NLRP1: variants seen among roughly 807,000 people sequenced by gnomAD.
NLRP1 encodes NLR family pyrin domain containing 1, also known as NACHT, LRR and PYD domains-containing protein 1.
A neutral mutation model predicts 136.7 loss-of-function variants in NLRP1; 94 were observed. The observed-to-expected ratio is 0.69, with a 90% confidence interval of 0.58 to 0.82. NLRP1 has a LOEUF of 0.82. Among genes scored for constraint, NLRP1 ranks in the 40% least tolerant of loss-of-function variants. The probability of loss-of-function intolerance (pLI) is 0.00; values close to 1 mark genes in which losing one functional copy is unlikely to be tolerated. For synonymous variants in NLRP1, 690 were observed against 725.1 expected, an observed-to-expected ratio of 0.95 and a Z score of 0.78; for missense variants, 1,575 against 1,802.7, an observed-to-expected ratio of 0.87 and a Z score of 2.29.
In NLRP1 at chr17:5,558,446, C is replaced by T; in HGVS notation, c.2250G>A (p.Glu750=). 1.2e-6 allele frequency: 2 copies of T among 1,613,850 alleles called. No homozygotes were observed. The highest frequency in any genetic ancestry group is 1.7e-6 in the Non-Finnish European group (2 of 1,179,954). The change falls in exon 4 of 17, where the codon GAG becomes GAA. Residue 750 remains glutamate (E), a synonymous_variant. Coordinates refer to ENST00000572272, the MANE Select transcript of NLRP1 (RefSeq NM_033004.4). ...EMGMCVETDM[E]LLVCTFCIKF... is the part of the protein sequence containing the mutation. Reference sequence around the variant, plus strand: ...TAATGCAGAAAGTGCACACTAAGAGCTCCATGTCTGTTTCTACACACATGC... The same window carrying T: ...TAATGCAGAAAGTGCACACTAAGAGTTCCATGTCTGTTTCTACACACATGC...
At chr17:5,567,503 A>G (rs1242121497) in intron 3 of NLRP1, among the ~76,000 whole-genome samples, 1 of 152,036 alleles carries the variant, frequency 6.6e-6, no homozygotes, top group Non-Finnish European at 1.5e-5. Flanking sequence ...GTTTCTATTT[A>G]TATATTATTT....
intron 5 of NLRP1, among the ~76,000 whole-genome samples, chr17:5,542,429 G>A (rs773429609): frequency 3.3e-5 from 5 of 151,952 alleles, no homozygotes; most frequent in African/African-American, 4.8e-5. Context: ...TGCACCTGCT[G>A]CTTCTGCTGC....
At chr17:5,512,385 A>G (rs1907697778), downstream of NLRP1, 2 of 1,113,210 alleles carry the variant, frequency 1.8e-6, no homozygotes, top group Middle Eastern at 2.0e-4. Context: ...CACACTTGTA[A>G]CATCTTCTAG....
At position 5,533,343 on chromosome 17, in the gene NLRP1, G is replaced by C; in HGVS notation, c.3094C>G (p.Leu1032Val). ...SHVAQANLKL[L>V]DVSKIFPIAE... The stretch of plus-strand genomic sequence containing the variant: ...ATTGGGAAGATCTTGCTCACGTCCA[G>C]GAGTTTGAGATTAGCCTGAGCAACA... The change falls in exon 10 of 17, where the codon CTG (leucine) becomes GTG (valine). Residue 1032 changes from leucine to valine, a missense_variant. Leu to Val is a conservative substitution (Grantham distance 32). Transcript: ENST00000572272. The C allele has an allele frequency of 6.8e-7, 1 of 1,475,682 alleles. No homozygotes were observed. Among genetic ancestry groups the C allele is most frequent in the Non-Finnish European group, 9.3e-7 (1 of 1,077,764 alleles). The allele number at this position is 1,475,682 out of a possible 1,614,324, so 91.4% of individuals were successfully genotyped here.
In NLRP1 at chr17:5,533,466, G is replaced by A. The variant is rs3744716; in HGVS notation, c.3053-82C>T. 3.9e-3 allele frequency: 2,708 copies of A among 685,628 alleles called. 82 individuals carry two copies. The East Asian group carries it at 0.065, about 17-fold the overall frequency. The allele number at this position is 685,628 out of a possible 1,614,324, so 42.5% of individuals were successfully genotyped here. ...TTCTACTCAGGAGGCGGAGGTGGGA[G>A]GATTGTTTGAGCTCAGAAGGTTTAG... On this transcript the variant is annotated intron_variant, in intron 9 of 16. Coordinates refer to ENST00000572272, the MANE Select transcript of NLRP1 (RefSeq NM_033004.4).
chr17:5,555,375 T>C (rs116674085), intron 4 of NLRP1, among the ~76,000 whole-genome samples: 1 of 152,242 alleles, frequency 6.6e-6, no homozygotes, highest in African/African-American at 2.4e-5. Flanking sequence ...AGCTTCCTTA[T>C]TCTTCTCTCT....
intron 7 of NLRP1, among the ~76,000 whole-genome samples, chr17:5,538,618 G>A (rs11652692): frequency 0.047 from 7,205 of 152,158 alleles, 197 homozygotes; most frequent in Middle Eastern, 0.088. Flanking sequence ...ACCAGTGTCC[G>A]TCTCTTCCCC....
chr17:5,560,554 C>G (rs1162446898), intron 3 of NLRP1, among the ~76,000 whole-genome samples: 1 of 150,062 alleles, frequency 6.7e-6, no homozygotes, highest in Admixed American at 6.8e-5. Flanking sequence ...TCTGAGGGCT[C>G]TTTCTCTGCC....
At chr17:5,503,577 G>A (rs1567623220) in intron 15 of NLRP1, 1 of 148,994 alleles carries the variant, frequency 6.7e-6, no homozygotes, top group Non-Finnish European at 1.5e-5. Flanking sequence ...GCTGGTCCCA[G>A]CCCAGGTGAC....
rs200476134 is a variant in NLRP1 at position 5,584,266 on chromosome 17, G to A, written c.-309C>T. 899 of 458,988 alleles carry A rather than the reference G, an allele frequency of 2.0e-3. 1 individual carries two copies. Among genetic ancestry groups the A allele is most frequent in the Non-Finnish European group, 2.7e-3 (683 of 251,020 alleles). 28.4% of individuals were successfully genotyped at this position (458,988 alleles called of 1,614,324 possible). Reference sequence around the variant, plus strand: ...TGAGGGTGAGGGGAGATGTGGTGACGGGAGATGGGGTGTGGGCAACGCTCA... The same window carrying A: ...TGAGGGTGAGGGGAGATGTGGTGACAGGAGATGGGGTGTGGGCAACGCTCA... On this transcript the variant is annotated 5_prime_UTR_variant, in exon 1 of 17. Coordinates refer to ENST00000572272, the MANE Select transcript of NLRP1 (RefSeq NM_033004.4).
chr17:5,545,371 GAC>G (rs1912472658), intron 5 of NLRP1, among the ~76,000 whole-genome samples: 1 of 122,994 alleles, frequency 8.1e-6, no homozygotes, highest in Admixed American at 8.0e-5. Flanking sequence ...CACCCACACA[GAC>G]ACAGACACCC....
intron 4 of NLRP1, 74 bp downstream of exon 4, chr17:5,558,265 G>A: frequency 6.7e-7 from 1 of 1,482,794 alleles, no homozygotes. Context: ...CAGTGAGCAT[G>A]CCTCTGGTGC....
chr17:5,517,946 C>A, intron 14 of NLRP1, 59 bp from the exon 15 acceptor site: 1 of 1,569,214 alleles, frequency 6.4e-7, no homozygotes, highest in Non-Finnish European at 8.7e-7. Flanking sequence ...GGTCTTTCCC[C>A]ACCTGACACC....
chr17:5,546,471 C>T (rs1912670741), intron 5 of NLRP1, among the ~76,000 whole-genome samples: 1 of 152,188 alleles, frequency 6.6e-6, no homozygotes, highest in South Asian at 2.1e-4. Flanking sequence ...GGTCTCTCCC[C>T]TGACCTTGCT....
intron 3 of NLRP1, among the ~76,000 whole-genome samples, chr17:5,579,354 G>GA (rs912179587): frequency 1.3e-5 from 2 of 151,428 alleles, no homozygotes. Flanking sequence ...ACCTTCTCTG[G>GA]AAAAAAAGAA....
chr17:5,559,894 G>A lies in NLRP1; in HGVS notation c.802C>T (p.Pro268Ser). The A allele has an allele frequency of 1.2e-6, 2 of 1,614,178 alleles. No homozygotes were observed. Among genetic ancestry groups the A allele is most frequent in the Non-Finnish European group, 1.7e-6 (2 of 1,180,020 alleles). Residue 268 changes from proline to serine, a missense_variant, in exon 4 of 17, where the codon CCC (proline) becomes TCC (serine). Physicochemically the swap from Pro to Ser is moderately conservative, Grantham distance 74. Coordinates refer to ENST00000572272, the MANE Select transcript of NLRP1 (RefSeq NM_033004.4). ...TGGTTAAAATCCTCATTTTTCCAGG[G>A]CCATGTGGAACAGAGGCTCTCTCTC... ...SVRESLCSTW[P>S]WKNEDFNQKF...
At chr17:5,534,715 T>C (rs566267738) in intron 8 of NLRP1, among the ~76,000 whole-genome samples, 137 of 152,248 alleles carry the variant, frequency 9.0e-4, no homozygotes, top group Middle Eastern at 3.4e-3. Context: ...AATCTTGAAA[T>C]AGGAACCTGA....
At chr17:5,511,869 TC>T (rs2151730130), downstream of NLRP1, among the ~76,000 whole-genome samples, 1 of 151,040 alleles carries the variant, frequency 6.6e-6, no homozygotes, top group South Asian at 2.1e-4. Flanking sequence ...TTTTTCTTTC[TC>T]TCTCTTCTTT....
At chr17:5,521,815 G>C (rs1341759216) in intron 12 of NLRP1, 29 bp from the exon 13 acceptor site, 1 of 1,542,136 alleles carries the variant, frequency 6.5e-7, no homozygotes, top group South Asian at 1.2e-5. Flanking sequence ...AAGAGGCACA[G>C]GTTTATTTTT....
Sources: allele counts gnomAD v4.1 joint callset (sites outside exome capture counted in the v4.1 genomes callset), GRCh38; gene constraint gnomAD v4.1.1; transcripts MANE v1.5; gene names NCBI Gene and HGNC (gene_info 2026-07-23, HGNC 2026-07-21).